The following PCLO variants were observed in gnomAD, a reference collection of about 807,000 sequenced individuals.
The protein encoded by PCLO is piccolo presynaptic cytomatrix protein, also known as protein piccolo.
Under a neutral mutation model 427.5 loss-of-function variants are expected in PCLO, and 82 were observed. The observed-to-expected ratio is 0.19, with a 90% CI of 0.16 to 0.23. The LOEUF (loss-of-function observed/expected upper bound fraction) is 0.23. PCLO is among the 10% of genes least tolerant of loss of function. PCLO has a pLI of 1.00. For missense variants in PCLO, 6,239 were observed against 6,115.9 expected (o/e 1.02, Z -0.67); for synonymous variants, 2,357 against 2,155.4 (o/e 1.09, Z -2.59).
At chr7:82,821,073 G>A (rs1791779574) in intron 20 of PCLO, 6 of 1,117,614 alleles carry the variant, frequency 5.4e-6, no homozygotes, top group Non-Finnish European at 5.5e-6. Context: ...ATTTGGGGAT[G>A]TTCTTGCTGT....
At chr7:83,112,009 A>G (rs1274803238) in intron 3 of PCLO, among the ~76,000 whole-genome samples, 1 of 151,736 alleles carries the variant, frequency 6.6e-6, no homozygotes, top group Non-Finnish European at 1.5e-5. Flanking sequence ...AGAGTGACAG[A>G]GTATTTTAAT....
intron 3 of PCLO, among the ~76,000 whole-genome samples, chr7:83,079,684 A>G (rs1236089718): frequency 9.2e-5 from 14 of 152,132 alleles, no homozygotes; most frequent in Non-Finnish European, 7.4e-5. Flanking sequence ...CAGATTAAAT[A>G]AAATTACATA....
chr7:83,148,023 A>C (rs1055481011), intron 2 of PCLO, among the ~76,000 whole-genome samples: 1 of 152,178 alleles, frequency 6.6e-6, no homozygotes. Context: ...TTAGGAATAG[A>C]AATAGCTCCT....
chr7:83,009,202 G>A (rs1001201814), intron 3 of PCLO, among the ~76,000 whole-genome samples: 1 of 151,758 alleles, frequency 6.6e-6, no homozygotes, highest in African/African-American at 2.4e-5. Context: ...ATTAACCACA[G>A]ACTCAGAATA....
At chr7:82,872,725 A>G (rs1205413788) in intron 10 of PCLO, among the ~76,000 whole-genome samples, 1 of 152,146 alleles carries the variant, frequency 6.6e-6, no homozygotes, top group African/African-American at 2.4e-5. Context: ...AACCAAAACT[A>G]TAATGTCCTA....
chr7:82,818,932 A>T (rs1423837281), intron 20 of PCLO, among the ~76,000 whole-genome samples: 2 of 152,228 alleles, frequency 1.3e-5, no homozygotes, highest in Non-Finnish European at 2.9e-5. Flanking sequence ...GGACACTTTT[A>T]TCTCAACACT....
rs139287941 is a variant in PCLO, at chr7:82,953,348, G to A, written c.7605C>T (p.Gly2535=). ...KPTDIHPKPT[G]LSLTSSMTLN... ...AGGTCATACTTGAAGTTAAAGATAG[G>A]CCTGTTGGTTTGGGGTGTATATCTG... The change falls in exon 5 of 25, where the codon GGC becomes GGT. Residue 2535 remains glycine, a synonymous_variant. Coordinates refer to ENST00000333891, the MANE Select transcript of PCLO (RefSeq NM_033026.6). The A allele has an allele frequency of 8.8e-4, 1,415 of 1,613,762 alleles. 13 individuals are homozygous for A. The African/African-American group carries it at 0.017, about 20-fold the overall frequency.
chr7:82,852,687 T>C (rs1792695801), intron 10 of PCLO, among the ~76,000 whole-genome samples: 1 of 152,080 alleles, frequency 6.6e-6, no homozygotes, highest in Admixed American at 6.6e-5. Flanking sequence ...TGATCGTGAG[T>C]CAATTCTCCT....
At chr7:82,859,313 T>G (rs1440766012) in intron 10 of PCLO, among the ~76,000 whole-genome samples, 1 of 152,234 alleles carries the variant, frequency 6.6e-6, no homozygotes, top group Non-Finnish European at 1.5e-5. Flanking sequence ...AGTGCTGTGC[T>G]GACTTTAGGT....
intron 3 of PCLO, among the ~76,000 whole-genome samples, chr7:83,071,101 A>T (rs985595718): frequency 6.6e-6 from 1 of 152,132 alleles, no homozygotes; most frequent in African/African-American, 2.4e-5. Context: ...TGTATAATTC[A>T]ATGGTGTTAA....
intron 13 of PCLO, among the ~76,000 whole-genome samples, chr7:82,842,178 G>A (rs1470712823): frequency 6.6e-6 from 1 of 152,046 alleles, no homozygotes; most frequent in East Asian, 1.9e-4. Context: ...GCATGGTATG[G>A]CTTAAAAGCA....
intron 7 of PCLO, among the ~76,000 whole-genome samples, chr7:82,913,511 A>G (rs991372707): frequency 3.9e-5 from 6 of 152,016 alleles, no homozygotes; most frequent in Non-Finnish European, 7.4e-5. Context: ...TTATTTCCAG[A>G]ACTCCATCTA....
chr7:82,762,727 A>G (rs1790456448), intron 22 of PCLO, among the ~76,000 whole-genome samples: 3 of 152,086 alleles, frequency 2.0e-5, no homozygotes, highest in Non-Finnish European at 4.4e-5. Context: ...GTACTGTTTT[A>G]TATTTTTTCA....
At chr7:83,123,618 G>C (rs991863280) in intron 3 of PCLO, among the ~76,000 whole-genome samples, 3 of 151,970 alleles carry the variant, frequency 2.0e-5, no homozygotes, top group African/African-American at 7.2e-5. Context: ...AGCAAAAGTT[G>C]AAAAATGGGA....
intron 22 of PCLO, among the ~76,000 whole-genome samples, chr7:82,793,181 A>G (rs952895331): frequency 4.0e-5 from 6 of 151,870 alleles, no homozygotes; most frequent in African/African-American, 1.5e-4. Context: ...GCAGCCTAGA[A>G]CTCTCCATAT....
intron 9 of PCLO, among the ~76,000 whole-genome samples, chr7:82,895,945 C>T (rs985681603): frequency 1.3e-5 from 2 of 151,784 alleles, no homozygotes; most frequent in African/African-American, 4.8e-5. Context: ...GAACACTTCC[C>T]AACACATTCT....
intron 6 of PCLO, among the ~76,000 whole-genome samples, chr7:82,929,748 A>T (rs1354667635): frequency 6.6e-6 from 1 of 152,192 alleles, no homozygotes; most frequent in Non-Finnish European, 1.5e-5. Context: ...TTCAAAAACT[A>T]CTATTATTTT....
intron 22 of PCLO, among the ~76,000 whole-genome samples, chr7:82,800,425 C>T (rs1791322300): frequency 3.9e-5 from 6 of 152,072 alleles, no homozygotes; most frequent in Admixed American, 3.9e-4. Context: ...CATGTGTGCA[C>T]TTCAGTTTCC....
chr7:83,017,506 A>G (rs937955798), intron 3 of PCLO, among the ~76,000 whole-genome samples: 8 of 152,068 alleles, frequency 5.3e-5, no homozygotes, highest in Admixed American at 3.3e-4. Context: ...CTGAATGGAA[A>G]AAGAAACAGA....
Sources: gnomAD v4.1 joint callset for allele counts (sites outside exome capture counted in the v4.1 genomes callset) on GRCh38, gnomAD v4.1.1 for gene constraint, MANE v1.5 for transcripts, NCBI Gene and HGNC (gene_info 2026-07-23, HGNC 2026-07-21) for gene names.